Variants in TEX10 observed in about 807,000 individuals in gnomAD.
TEX10 encodes testis-expressed protein 10.
TEX10 carries 24 observed loss-of-function variants against 104.4 expected under a neutral mutation model. The ratio of observed to expected loss-of-function variants is 0.23; its 90% confidence interval spans 0.17 to 0.32. The LOEUF (loss-of-function observed/expected upper bound fraction) is 0.32, where lower values mean the gene tolerates loss of function less well. Among genes scored for constraint, TEX10 ranks in the 10% least tolerant of loss-of-function variants. The pLI is 1.00. For missense variants in TEX10, 921 were observed against 1,083.9 expected (o/e 0.85, Z 2.11); for synonymous variants, 396 against 393.4 (o/e 1.01, Z -0.08).
At chr9:100,349,436 A>C (rs763608787) in intron 1 of TEX10, 64 bp from the exon 2 acceptor site, 42 of 1,015,658 alleles carry the variant, frequency 4.1e-5, no homozygotes, top group Non-Finnish European at 5.5e-5. Flanking sequence ...GAAAAAAGGC[A>C]CTTTCCAACA....
intron 13 of TEX10, chr9:100,305,419 G>C (rs1273997348): frequency 6.6e-6 from 1 of 152,226 alleles, no homozygotes; most frequent in African/African-American, 2.4e-5. Flanking sequence ...GAGAAAGCCA[G>C]ACTGCAGACA....
chr9:100,319,928 C>T (rs1834523815), intron 11 of TEX10, among the ~76,000 whole-genome samples: 1 of 152,180 alleles, frequency 6.6e-6, no homozygotes, highest in African/African-American at 2.4e-5. Flanking sequence ...ACCAAAGGAA[C>T]TGGTGAATAA....
chr9:100,321,106 T>C (rs965754501), intron 10 of TEX10, among the ~76,000 whole-genome samples: 2 of 152,160 alleles, frequency 1.3e-5, no homozygotes, highest in Non-Finnish European at 2.9e-5. Flanking sequence ...CTAAAATCAC[T>C]AAAAACTTTC....
Position 100,303,848 on chromosome 9 carries a change from A to G in TEX10, c.2466-6T>C, listed in dbSNP as rs1310902613. The G allele has an allele frequency of 1.2e-6, 2 of 1,613,654 alleles. No individual in the cohort carries two copies. The highest frequency in any genetic ancestry group is 1.3e-5 in the African/African-American group (1 of 75,010). On this transcript the variant is annotated splice_polypyrimidine_tract_variant and splice_region_variant and intron_variant, in intron 13 of 14. Transcript: ENST00000374902. ...AGACCCCCCACAGCTTGTCCCTACAATAACAGAGACAGAAATGAGTCAGTG... is the reference window on the plus strand; with the variant it reads ...AGACCCCCCACAGCTTGTCCCTACAGTAACAGAGACAGAAATGAGTCAGTG...
intron 4 of TEX10, among the ~76,000 whole-genome samples, chr9:100,343,433 G>GT (rs1443234145): frequency 1.3e-5 from 2 of 150,964 alleles, no homozygotes; most frequent in Non-Finnish European, 1.5e-5. Flanking sequence ...ATAAATGGCT[G>GT]TTTATATGAA....
intron 9 of TEX10, among the ~76,000 whole-genome samples, chr9:100,322,972 G>C (rs1386546755): frequency 1.3e-5 from 2 of 152,122 alleles, no homozygotes; most frequent in Non-Finnish European, 2.9e-5. Flanking sequence ...CTCTTCTTGA[G>C]TGTCATTCCC....
intron 14 of TEX10, among the ~76,000 whole-genome samples, chr9:100,302,542 C>A (rs762569757): frequency 6.6e-6 from 1 of 152,306 alleles, no homozygotes; most frequent in Non-Finnish European, 1.5e-5. Context: ...CTGTTCCCTC[C>A]TGCACATGCT....
At chr9:100,315,661 A>G (rs1348716278) in intron 11 of TEX10, among the ~76,000 whole-genome samples, 1 of 152,180 alleles carries the variant, frequency 6.6e-6, no homozygotes, top group African/African-American at 2.4e-5. Flanking sequence ...CTTTCAGCCA[A>G]TAAAGTACTT....
chr9:100,313,953 AAGG>A (rs939494105), intron 11 of TEX10, among the ~76,000 whole-genome samples: 1 of 152,032 alleles, frequency 6.6e-6, no homozygotes, highest in Non-Finnish European at 1.5e-5. Context: ...AGAATGAATT[AAGG>A]AGAATTCCCT....
chr9:100,326,377 C>T lies in TEX10; in HGVS notation c.1904G>A (p.Arg635Gln), dbSNP rs1349182870. ...LPSLPADLLS[R>Q]LSRCCIMGRL... ...TCCCATAATACAGCAACGACTTAAC[C>T]GAGAAAGCAAATCAGCCGGCAGACT... Residue 635 changes from arginine (R) to glutamine (Q), a missense_variant, in exon 9 of 15, where the codon CGG (arginine) becomes CAG (glutamine). Physicochemically the swap from Arg to Gln is conservative, Grantham distance 43. Transcript: ENST00000374902. 2.5e-6 allele frequency: 4 copies of T among 1,613,912 alleles called. No individual in the cohort carries two copies. The highest frequency in any genetic ancestry group is 1.7e-5 in the Admixed American group (1 of 59,970).
At position 100,326,009 on chromosome 9, in the gene TEX10, C is replaced by T. The variant is rs1834697190; in HGVS notation, c.1979+293G>A. 2.0e-5 allele frequency among the ~76,000 whole-genome samples: 3 copies of T among 152,130 alleles called. No individual in the cohort carries two copies. The South Asian group carries it at 6.2e-4, about 32-fold the overall frequency. Reference sequence around the variant, plus strand: ...GGTCTATACTGCAATTCCATAACAACAAAGGTTTGAAGTACGACACCATCA... The same window carrying T: ...GGTCTATACTGCAATTCCATAACAATAAAGGTTTGAAGTACGACACCATCA... On this transcript the variant is annotated intron_variant, in intron 9 of 14. Coordinates refer to ENST00000374902, the MANE Select transcript of TEX10 (RefSeq NM_017746.4).
intron 4 of TEX10, among the ~76,000 whole-genome samples, chr9:100,345,293 C>A (rs1835274194): frequency 6.6e-6 from 1 of 152,196 alleles, no homozygotes; most frequent in Non-Finnish European, 1.5e-5. Flanking sequence ...CTTTTCAAGA[C>A]TATCAAATAC....
At chr9:100,333,286 C>A (rs1013142651) in intron 5 of TEX10, among the ~76,000 whole-genome samples, 2 of 152,042 alleles carry the variant, frequency 1.3e-5, no homozygotes, top group African/African-American at 2.4e-5. Context: ...TTAAGCTTGG[C>A]CCTTAAAGGT....
rs566268119 is a variant in TEX10 at position 100,343,145 on chromosome 9, A to T, written c.1138-2776T>A. ...GAGTGAGACTCCGTCTCCAAAAAAA[A>T]ATAAATAAAAATAAATAAAAACTAG... On this transcript the variant is annotated intron_variant, in intron 4 of 14. Transcript: ENST00000374902. Among the ~76,000 whole-genome samples, 78 of 146,512 alleles carry T rather than the reference A, an allele frequency of 5.3e-4. 1 individual carries two copies. The highest frequency in any genetic ancestry group is 2.8e-3 in the East Asian group (13 of 4,718).
Position 100,329,187 on chromosome 9 carries a change from A to G in TEX10, c.1578T>C (p.Phe526=). 1 of 1,612,004 alleles carries G rather than the reference A, an allele frequency of 6.2e-7. No individual in the cohort carries two copies. The highest frequency in any genetic ancestry group is 1.1e-5 in the South Asian group (1 of 90,400). ...CTTCTGTCTGATAGATTTTACTGAA[A>G]AACTTCAATAACAAAGTCCGAACTG... is the stretch of plus-strand genomic sequence containing the variant. The part of the protein sequence containing the change: ...ILPVRTLLLK[F]FSKIYQTEEL... The change falls in exon 7 of 15, where the codon TTT becomes TTC. Residue 526 remains phenylalanine (F), a synonymous_variant. Transcript: ENST00000374902.
At chr9:100,342,745 TAA>T (rs1835204559) in intron 4 of TEX10, among the ~76,000 whole-genome samples, 1 of 152,188 alleles carries the variant, frequency 6.6e-6, no homozygotes, top group Non-Finnish European at 1.5e-5. Flanking sequence ...AATGCAAAGC[TAA>T]GACACAATTT....
rs1394273908 is a variant in TEX10, at chr9:100,343,104, T to G, written c.1138-2735A>C. ...GTGAGCCAGGATCGCGCCACTGCAC[T>G]CCAGCCTGGGCGACTGAGTGAGACT... On this transcript the variant is annotated intron_variant, in intron 4 of 14. Transcript: ENST00000374902. Among the ~76,000 whole-genome samples the G allele has an allele frequency of 2.0e-5, 3 of 150,384 alleles. No individual in the cohort carries two copies. The East Asian group carries it at 5.9e-4, about 30-fold the overall frequency.
intron 5 of TEX10, among the ~76,000 whole-genome samples, chr9:100,337,500 AAAAC>A (rs907052401): frequency 6.6e-6 from 1 of 152,248 alleles, no homozygotes; most frequent in Non-Finnish European, 1.5e-5. Context: ...TCCCAGAAGA[AAAAC>A]TCTAATAAGA....
intron 5 of TEX10, among the ~76,000 whole-genome samples, chr9:100,336,994 T>G (rs548602330): frequency 1.4e-4 from 21 of 152,284 alleles, no homozygotes; most frequent in African/African-American, 4.8e-4. Context: ...ATTCCTTTTC[T>G]TTTTTCCCAT....
Sources: allele counts gnomAD v4.1 joint callset (sites outside exome capture counted in the v4.1 genomes callset), GRCh38; gene constraint gnomAD v4.1.1; transcripts MANE v1.5; gene names NCBI Gene and HGNC (gene_info 2026-07-23, HGNC 2026-07-21).